The following KIAA1549L variants were observed in gnomAD, a reference collection of about 807,000 sequenced individuals.
KIAA1549L encodes KIAA1549 like, also known as UPF0606 protein KIAA1549L.
Under a neutral mutation model 160.7 loss-of-function variants are expected in KIAA1549L, and 88 were observed. The observed-to-expected ratio is 0.55, with a 90% CI of 0.46 to 0.65. The LOEUF is 0.65. Among genes scored for constraint, KIAA1549L ranks in the 30% least tolerant of loss-of-function variants. The pLI is 0.00. For missense variants in KIAA1549L, 2,258 were observed against 2,437.5 expected (o/e 0.93, Z 1.55); for synonymous variants, 950 against 976.7 (o/e 0.97, Z 0.51).
At chr11:33,464,842 G>C (rs1249657727) in intron 1 of KIAA1549L, among the ~76,000 whole-genome samples, 2 of 151,946 alleles carry the variant, frequency 1.3e-5, no homozygotes, top group African/African-American at 4.8e-5. Context: ...GCTTGATTCA[G>C]CTGTATGGAA....
intron 18 of KIAA1549L, among the ~76,000 whole-genome samples, chr11:33,657,872 G>A (rs183926717): frequency 2.6e-5 from 4 of 152,322 alleles, no homozygotes; most frequent in Admixed American, 1.3e-4. Flanking sequence ...CTCCCTTGCC[G>A]TGGCTGTCAT....
intron 11 of KIAA1549L, among the ~76,000 whole-genome samples, chr11:33,587,065 G>A (rs1356732512): frequency 6.6e-6 from 1 of 152,150 alleles, no homozygotes; most frequent in South Asian, 2.1e-4. Context: ...CTGTAAAATG[G>A]AGATATAACA....
chr11:33,507,261 A>C (rs993024696), intron 1 of KIAA1549L, among the ~76,000 whole-genome samples: 1 of 152,088 alleles, frequency 6.6e-6, no homozygotes, highest in African/African-American at 2.4e-5. Context: ...AAATTGGGAT[A>C]TTTATGAGGT....
intron 1 of KIAA1549L, among the ~76,000 whole-genome samples, chr11:33,532,389 GATA>G (rs150740949): frequency 1.3e-5 from 2 of 152,146 alleles, no homozygotes; most frequent in African/African-American, 4.8e-5. Flanking sequence ...AACAAATAAT[GATA>G]ATAATAACAG....
In KIAA1549L at chr11:33,668,029, G is replaced by T. The variant is rs1294135285; in HGVS notation, c.6316G>T (p.Ala2106Ser). 2 of 1,614,006 alleles carry T rather than the reference G, an allele frequency of 1.2e-6. No homozygotes were observed. Among genetic ancestry groups the T allele is most frequent in the South Asian group, 1.1e-5 (1 of 91,084 alleles). ...CACAGCGGCCTCGCAGCAGAGCCTG[G>T]CAGAAAACGACCCGTCTGACGCTCC... Reference protein sequence around the residue: ...PSTAASQQSLAENDPSDAPLT... With the variant: ...PSTAASQQSLSENDPSDAPLT... The change falls in exon 21 of 21, where the codon GCA (alanine) becomes TCA (serine). Residue 2106 changes from alanine to serine, a missense_variant. Transcript: ENST00000658780.
Position 33,649,525 on chromosome 11 carries a change from A to G in KIAA1549L, c.5760+3489A>G, listed in dbSNP as rs955264855. Among the ~76,000 whole-genome samples the G allele has an allele frequency of 6.7e-4, 85 of 127,104 alleles. 1 individual carries two copies. The highest frequency in any genetic ancestry group is 2.2e-3 in the African/African-American group (81 of 36,506). 83.4% of individuals were successfully genotyped at this position (127,104 alleles called of 152,430 possible). ...TATTGTAAAAAAAAAAAAAAAAAAA[A>G]AAGAAGCAGCAGCAGCAGCAGCTTA... On this transcript the variant is annotated intron_variant, in intron 17 of 20. Coordinates refer to ENST00000658780, the MANE Select transcript of KIAA1549L (RefSeq NM_012194.3).
At chr11:33,517,241 G>A (rs1191146945) in intron 1 of KIAA1549L, among the ~76,000 whole-genome samples, 2 of 152,152 alleles carry the variant, frequency 1.3e-5, no homozygotes, top group Admixed American at 1.3e-4. Flanking sequence ...CACTTCTAAG[G>A]CAGCATATTT....
chr11:33,540,572 G>T (rs370280655), intron 1 of KIAA1549L, among the ~76,000 whole-genome samples: 5 of 152,318 alleles, frequency 3.3e-5, no homozygotes, highest in South Asian at 2.1e-4. Flanking sequence ...AGTGTCTGAG[G>T]GGGGAATACC....
chr11:33,388,556 A>AACTT (rs1240014229), intron 1 of KIAA1549L, among the ~76,000 whole-genome samples: 1 of 147,256 alleles, frequency 6.8e-6, no homozygotes, highest in Non-Finnish European at 1.5e-5. Context: ...ACGTAGCCTC[A>AACTT]ACTTAATTTT....
At chr11:33,644,030 A>C (rs1367583456) in intron 16 of KIAA1549L, among the ~76,000 whole-genome samples, 1 of 152,182 alleles carries the variant, frequency 6.6e-6, no homozygotes, top group African/African-American at 2.4e-5. Context: ...CCCAGGCATG[A>C]AATGTCTTTG....
At chr11:33,599,059 C>A in intron 13 of KIAA1549L, 112 bp downstream of exon 13, 1 of 1,289,078 alleles carries the variant, frequency 7.8e-7, no homozygotes, top group Non-Finnish European at 1.1e-6. Flanking sequence ...CTCTGACCCT[C>A]AGTCGTTCTT....
chr11:33,628,308 G>A (rs1393756455), intron 16 of KIAA1549L, among the ~76,000 whole-genome samples: 2 of 151,840 alleles, frequency 1.3e-5, no homozygotes, highest in Non-Finnish European at 2.9e-5. Flanking sequence ...GGTCCGCTTG[G>A]TGCAGAGCTG....
chr11:33,457,339 A>T (rs771486966), intron 1 of KIAA1549L, among the ~76,000 whole-genome samples: 69 of 152,206 alleles, frequency 4.5e-4, no homozygotes, highest in Non-Finnish European at 3.8e-4. Context: ...ATGTGGTCAA[A>T]GATAGGAGAA....
chr11:33,630,525 T>A (rs2133374595), intron 16 of KIAA1549L, among the ~76,000 whole-genome samples: 1 of 152,348 alleles, frequency 6.6e-6, no homozygotes, highest in East Asian at 1.9e-4. Context: ...AGTATTCGGG[T>A]GGGAGTGACC....
chr11:33,635,281 C>T (rs915154209), intron 16 of KIAA1549L, among the ~76,000 whole-genome samples: 3 of 152,134 alleles, frequency 2.0e-5, no homozygotes, highest in Admixed American at 6.6e-5. Context: ...CAAAAGACTC[C>T]GATTGGTGGA....
chr11:33,530,284 C>G lies in KIAA1549L; in HGVS notation c.239-11518C>G, dbSNP rs368862136. Among the ~76,000 whole-genome samples the G allele has an allele frequency of 5.3e-4, 80 of 150,334 alleles. No homozygotes were observed. In the East Asian group the frequency reaches 0.013, roughly 24 times the overall value. On this transcript the variant is annotated intron_variant, in intron 1 of 20. Transcript: ENST00000658780. Reference sequence around the variant, plus strand: ...GGGCGTGATAGCAGGCACCTGTAGTCCCCGCTACTCAGGAGGCTGAGTCAG... The same window carrying G: ...GGGCGTGATAGCAGGCACCTGTAGTGCCCGCTACTCAGGAGGCTGAGTCAG...
chr11:33,520,433 A>C (rs1166899319), intron 1 of KIAA1549L, among the ~76,000 whole-genome samples: 3 of 142,356 alleles, frequency 2.1e-5, no homozygotes, highest in Non-Finnish European at 4.6e-5. Flanking sequence ...TGCCTTCTTC[A>C]AAAAAAAAAA....
At chr11:33,571,984 C>CA (rs1855273411) in intron 9 of KIAA1549L, among the ~76,000 whole-genome samples, 1 of 151,750 alleles carries the variant, frequency 6.6e-6, no homozygotes, top group African/African-American at 2.4e-5. Context: ...GTTTAAACGT[C>CA]AAAAAGCCCT....
chr11:33,662,241 T>C (rs1852289994), intron 20 of KIAA1549L, among the ~76,000 whole-genome samples: 2 of 152,194 alleles, frequency 1.3e-5, no homozygotes, highest in South Asian at 4.1e-4. Flanking sequence ...TTTTCTGACT[T>C]TGCTTCTAGT....
Sources: allele counts gnomAD v4.1 joint callset (sites outside exome capture counted in the v4.1 genomes callset), GRCh38; gene constraint gnomAD v4.1.1; transcripts MANE v1.5; gene names NCBI Gene and HGNC (gene_info 2026-07-23, HGNC 2026-07-21).